Variants in STAG1 observed in about 807,000 individuals in gnomAD.
STAG1 encodes the protein STAG1 cohesin complex component.
Under a neutral mutation model 170.9 loss-of-function variants are expected in STAG1, and 26 were observed. The ratio of observed to expected loss-of-function variants is 0.15; its 90% CI spans 0.11 to 0.21. The LOEUF (loss-of-function observed/expected upper bound fraction) is 0.21. Among genes scored for constraint, STAG1 ranks in the 10% least tolerant of loss-of-function variants. The pLI is 1.00. For missense variants in STAG1, 964 were observed against 1,509.5 expected, an observed-to-expected ratio of 0.64 and a Z score of 5.99; for synonymous variants, 514 against 497.7, an observed-to-expected ratio of 1.03 and a Z score of -0.44.
chr3:136,371,229 G>C (rs1937321095), intron 23 of STAG1, among the ~76,000 whole-genome samples: 1 of 152,084 alleles, frequency 6.6e-6, no homozygotes, highest in Non-Finnish European at 1.5e-5. Flanking sequence ...AAATCTGTCT[G>C]AGTTCATTGT....
intron 6 of STAG1, among the ~76,000 whole-genome samples, chr3:136,524,927 G>A (rs1168940733): frequency 6.6e-6 from 1 of 152,184 alleles, no homozygotes; most frequent in Non-Finnish European, 1.5e-5. Flanking sequence ...AACCAGCCTT[G>A]CATCCCAGGG....
chr3:136,743,683 C>G (rs891549207), intron 1 of STAG1, among the ~76,000 whole-genome samples: 1 of 152,104 alleles, frequency 6.6e-6, no homozygotes, highest in Admixed American at 6.6e-5. Flanking sequence ...AAGAATAACA[C>G]TATTACACAA....
At chr3:136,581,506 T>C (rs932361116) in intron 4 of STAG1, among the ~76,000 whole-genome samples, 5 of 152,216 alleles carry the variant, frequency 3.3e-5, no homozygotes, top group Admixed American at 6.5e-5. Flanking sequence ...ACCATTTTAA[T>C]CTTTCAAATG....
intron 1 of STAG1, among the ~76,000 whole-genome samples, chr3:136,713,582 C>CAA (rs139182292): frequency 9.3e-4 from 112 of 120,000 alleles, no homozygotes; most frequent in Non-Finnish European, 1.6e-3. Flanking sequence ...AACTCCACCT[C>CAA]AAAAAAAAAA....
chr3:136,637,451 G>A (rs1940611709), intron 1 of STAG1, among the ~76,000 whole-genome samples: 1 of 152,176 alleles, frequency 6.6e-6, no homozygotes, highest in South Asian at 2.1e-4. Context: ...ATGGGATAGC[G>A]ATGAGGTTCA....
chr3:136,542,673 A>T (rs1327191093), intron 5 of STAG1, among the ~76,000 whole-genome samples: 3 of 151,180 alleles, frequency 2.0e-5, no homozygotes, highest in African/African-American at 7.3e-5. Flanking sequence ...TTGTAATAAA[A>T]AAAAAAAAAA....
intron 22 of STAG1, 52 bp from the exon 23 acceptor site, chr3:136,377,804 T>G: frequency 6.8e-7 from 1 of 1,470,610 alleles, no homozygotes; most frequent in Non-Finnish European, 9.5e-7. Context: ...CACAGAAAAC[T>G]GATCTAGAAG....
At chr3:136,690,659 G>A (rs566864378) in intron 1 of STAG1, among the ~76,000 whole-genome samples, 62 of 152,288 alleles carry the variant, frequency 4.1e-4, no homozygotes, top group Non-Finnish European at 1.5e-4. Flanking sequence ...TCATCAGAAG[G>A]AAGGGGTAAA....
At chr3:136,487,321 A>G (rs1246679715) in intron 9 of STAG1, among the ~76,000 whole-genome samples, 1 of 152,094 alleles carries the variant, frequency 6.6e-6, no homozygotes, top group Non-Finnish European at 1.5e-5. Flanking sequence ...ACTCCTTTTT[A>G]CGGCTGCATG....
intron 1 of STAG1, among the ~76,000 whole-genome samples, chr3:136,733,845 C>T (rs979437251): frequency 3.3e-5 from 5 of 152,136 alleles, no homozygotes; most frequent in Admixed American, 1.3e-4. Flanking sequence ...CAGTGGCCCA[C>T]GCCTGTAATC....
In STAG1 at chr3:136,374,590, C is replaced by A. The variant is rs145968146; in HGVS notation, c.2370+3070G>T. Among the ~76,000 whole-genome samples, 19 of 151,118 alleles carry A rather than the reference C, an allele frequency of 1.3e-4. No individual in the cohort carries two copies. The East Asian group carries it at 3.7e-3, about 29-fold the overall frequency. ...CGAGAATGTGCCACTGCACTCCAGC[C>A]TGGGCAACAAGAGCAAAACTCCGTC... On this transcript the variant is annotated intron_variant, in intron 23 of 33. Transcript: ENST00000383202.
chr3:136,651,796 T>C (rs1941226888), intron 1 of STAG1, among the ~76,000 whole-genome samples: 1 of 152,122 alleles, frequency 6.6e-6, no homozygotes, highest in African/African-American at 2.4e-5. Context: ...TACACCTCAG[T>C]GCCATATCTC....
At position 136,687,337 on chromosome 3, in the gene STAG1, CAT is replaced by C. The variant is rs571595551; in HGVS notation, c.-83-56358_-83-56357del. The stretch of plus-strand genomic sequence containing the variant: ...ATTAAACTACTATATTGTTGGAAGA[CAT>C]AAAAAATTAGAGGAACAGGGTCATA... On this transcript the variant is annotated intron_variant, in intron 1 of 33. Coordinates refer to ENST00000383202, the MANE Select transcript of STAG1 (RefSeq NM_005862.3). Among the ~76,000 whole-genome samples, 28 of 152,194 alleles carry C rather than the reference CAT, an allele frequency of 1.8e-4. No homozygotes were observed. The East Asian group carries it at 3.3e-3, about 18-fold the overall frequency.
At chr3:136,378,013 A>G (rs1937701506) in intron 22 of STAG1, among the ~76,000 whole-genome samples, 1 of 152,186 alleles carries the variant, frequency 6.6e-6, no homozygotes, top group South Asian at 2.1e-4. Flanking sequence ...TTTCCTTTAT[A>G]AATATGGTTT....
At chr3:136,687,668 G>A (rs1042769158) in intron 1 of STAG1, among the ~76,000 whole-genome samples, 3 of 152,078 alleles carry the variant, frequency 2.0e-5, no homozygotes, top group South Asian at 2.1e-4. Context: ...TTCCCCTTTG[G>A]CAAGAGACTG....
chr3:136,388,845 CAAAT>C (rs1256159785), intron 22 of STAG1, among the ~76,000 whole-genome samples: 3 of 152,140 alleles, frequency 2.0e-5, no homozygotes, highest in Non-Finnish European at 4.4e-5. Context: ...CTTTTTTACT[CAAAT>C]AAATAACCTG....
At chr3:136,466,899 A>C (rs570891457) in intron 12 of STAG1, among the ~76,000 whole-genome samples, 1 of 152,192 alleles carries the variant, frequency 6.6e-6, no homozygotes, top group Non-Finnish European at 1.5e-5. Context: ...TATGCAGCCA[A>C]ACTAAGCTTC....
intron 1 of STAG1, among the ~76,000 whole-genome samples, chr3:136,696,969 TGAAAC>T (rs1942913284): frequency 6.6e-6 from 1 of 152,182 alleles, no homozygotes; most frequent in African/African-American, 2.4e-5. Context: ...ATGAAACTCA[TGAAAC>T]TGAACACTAA....
chr3:136,406,464 A>G (rs1362692109), intron 21 of STAG1, among the ~76,000 whole-genome samples: 1 of 152,230 alleles, frequency 6.6e-6, no homozygotes, highest in Non-Finnish European at 1.5e-5. Flanking sequence ...ACTGTTATGT[A>G]TCTTGATTAT....
Sources: allele counts gnomAD v4.1 joint callset (sites outside exome capture counted in the v4.1 genomes callset), GRCh38; gene constraint gnomAD v4.1.1; transcripts MANE v1.5; gene names NCBI Gene and HGNC (gene_info 2026-07-23, HGNC 2026-07-21).